Variants in NEK11 observed in about 807,000 individuals in gnomAD.
The protein encoded by NEK11 is serine/threonine-protein kinase Nek11.
Under a neutral mutation model 80.7 loss-of-function variants are expected in NEK11, and 72 were observed. The observed-to-expected ratio is 0.89, with a 90% CI of 0.74 to 1.08. The LOEUF is 1.08. NEK11 is among the 50% of genes least tolerant of loss of function. The probability of loss-of-function intolerance (pLI) is 0.00; values close to 1 mark genes in which losing one functional copy is unlikely to be tolerated. For synonymous variants in NEK11, 251 were observed against 260.7 expected (o/e 0.96, Z 0.36); for missense variants, 764 against 763.6 (o/e 1.00, Z -0.01).
At chr3:131,333,778 G>C (rs1453282954) in intron 17 of NEK11, among the ~76,000 whole-genome samples, 3 of 152,126 alleles carry the variant, frequency 2.0e-5, no homozygotes, top group Admixed American at 6.5e-5. Context: ...GGAAGATCTA[G>C]CAAGCAAATG....
rs556802836 is a variant in NEK11 at position 131,274,510 on chromosome 3, T to C, written c.1718+936T>C. Among the ~76,000 whole-genome samples, 15 of 151,882 alleles carry C rather than the reference T, an allele frequency of 9.9e-5. 1 individual carries two copies. In the East Asian group the frequency reaches 2.7e-3, roughly 27 times the overall value. On this transcript the variant is annotated intron_variant, in intron 17 of 17. Transcript: ENST00000383366. ...GGCTGGGTCAAATGGTATTCCTAGT[T>C]CTAGATCCCTGAGGAATCGCTACAC...
chr3:131,152,606 A>G (rs1249972419), intron 8 of NEK11, 25 bp from the exon 9 acceptor site: 7 of 1,608,650 alleles, frequency 4.4e-6, no homozygotes, highest in Non-Finnish European at 5.1e-6. Context: ...TACCTGAAAA[A>G]TAATTTTCTG....
At chr3:131,316,178 TAAAC>T (rs1229325357) in intron 17 of NEK11, among the ~76,000 whole-genome samples, 9 of 152,342 alleles carry the variant, frequency 5.9e-5, no homozygotes, top group African/African-American at 1.9e-4. Flanking sequence ...ATTTTCTACT[TAAAC>T]AGAACTTTTT....
intron 3 of NEK11, among the ~76,000 whole-genome samples, chr3:131,041,641 T>A (rs971823420): frequency 6.6e-6 from 1 of 152,154 alleles, no homozygotes; most frequent in African/African-American, 2.4e-5. Flanking sequence ...TCAACACTAG[T>A]TTCAGCAGCA....
chr3:131,297,250 A>G (rs1205407296), intron 17 of NEK11, among the ~76,000 whole-genome samples: 2 of 151,982 alleles, frequency 1.3e-5, no homozygotes, highest in Non-Finnish European at 2.9e-5. Flanking sequence ...GACTTCCACA[A>G]TGGTTGAACT....
In NEK11 at chr3:131,027,923, C is replaced by T. The variant is rs1013101901; in HGVS notation, c.-169-7C>T. The T allele has an allele frequency of 3.9e-5, 6 of 152,216 alleles. No individual in the cohort carries two copies. The South Asian group carries it at 1.2e-3, about 31-fold the overall frequency. 9.4% of individuals were successfully genotyped at this position (152,216 alleles called of 1,614,324 possible). ...TGTCCGTCCCTAATTCTGTCCTTCT[C>T]TAAAAGGAACCTTAATCTCATCTTT... On this transcript the variant is annotated splice_polypyrimidine_tract_variant and splice_region_variant and intron_variant, in intron 1 of 17. Coordinates refer to ENST00000383366, the MANE Select transcript of NEK11 (RefSeq NM_024800.5).
At chr3:131,120,963 G>A (rs528180502) in intron 5 of NEK11, among the ~76,000 whole-genome samples, 30 of 152,078 alleles carry the variant, frequency 2.0e-4, no homozygotes, top group Non-Finnish European at 2.4e-4. Context: ...ATTACCTATC[G>A]GCTGAACCCT....
intron 17 of NEK11, among the ~76,000 whole-genome samples, chr3:131,280,621 T>C (rs2096381479): frequency 6.6e-6 from 1 of 152,220 alleles, no homozygotes; most frequent in South Asian, 2.1e-4. Context: ...TTTTGTTACA[T>C]CTTTCTTGTC....
chr3:131,218,281 G>A (rs2094908509), intron 14 of NEK11, among the ~76,000 whole-genome samples: 1 of 152,172 alleles, frequency 6.6e-6, no homozygotes, highest in Non-Finnish European at 1.5e-5. Context: ...TGTATATAGA[G>A]TTTGGTGTGG....
chr3:131,076,558 C>G (rs1484193569), intron 3 of NEK11, among the ~76,000 whole-genome samples: 1 of 152,066 alleles, frequency 6.6e-6, no homozygotes, highest in African/African-American at 2.4e-5. Flanking sequence ...CTTTGTAAAA[C>G]AGGCAAATGA....
intron 14 of NEK11, among the ~76,000 whole-genome samples, chr3:131,178,478 T>C (rs1486630681): frequency 6.6e-6 from 1 of 152,234 alleles, no homozygotes; most frequent in Non-Finnish European, 1.5e-5. Context: ...ATTTTTAACA[T>C]TAATTCTTTT....
At chr3:131,044,560 G>A (rs1208626134) in intron 3 of NEK11, among the ~76,000 whole-genome samples, 19 of 150,778 alleles carry the variant, frequency 1.3e-4, no homozygotes, top group African/African-American at 2.9e-4. Flanking sequence ...TCAATGCAAC[G>A]AGAAGAGCCA....
chr3:131,135,845 G>A (rs2085449730), intron 7 of NEK11, among the ~76,000 whole-genome samples: 1 of 151,782 alleles, frequency 6.6e-6, no homozygotes, highest in African/African-American at 2.4e-5. Flanking sequence ...GGCTCCTTTT[G>A]ACAGGCAGCT....
At chr3:131,115,694 T>A (rs1302708108) in intron 5 of NEK11, among the ~76,000 whole-genome samples, 1 of 152,144 alleles carries the variant, frequency 6.6e-6, no homozygotes, top group Admixed American at 6.5e-5. Flanking sequence ...TTTCTTAAGA[T>A]AAAGGACAGA....
intron 4 of NEK11, 176 bp from the exon 5 acceptor site, chr3:131,109,627 A>G: frequency 1.7e-6 from 1 of 604,216 alleles, no homozygotes; most frequent in Non-Finnish European, 2.8e-6. Context: ...CCGAGCTGAG[A>G]AGAGTGCTCA....
chr3:131,154,358 C>G (rs2090262574), intron 9 of NEK11, among the ~76,000 whole-genome samples: 1 of 151,896 alleles, frequency 6.6e-6, no homozygotes, highest in Non-Finnish European at 1.5e-5. Context: ...GACTCTGGGG[C>G]AAAAGTTAAG....
chr3:131,324,991 G>A (rs889373507), intron 17 of NEK11: 2 of 152,166 alleles, frequency 1.3e-5, no homozygotes, highest in African/African-American at 2.4e-5. Context: ...GATTGAATAT[G>A]AGCAATGGTA....
intron 16 of NEK11, among the ~76,000 whole-genome samples, chr3:131,243,963 TGC>T (rs2095556987): frequency 6.6e-6 from 1 of 152,104 alleles, no homozygotes; most frequent in South Asian, 2.1e-4. Context: ...AGGATTGCTA[TGC>T]TTCAGGGATA....
At chr3:131,336,785 G>T (rs74526657) in intron 17 of NEK11, among the ~76,000 whole-genome samples, 1 of 151,468 alleles carries the variant, frequency 6.6e-6, no homozygotes, top group African/African-American at 2.4e-5. Context: ...AAAAACAACC[G>T]CATCAAAAAG....
Sources: gnomAD v4.1 joint callset for allele counts (sites outside exome capture counted in the v4.1 genomes callset) on GRCh38, gnomAD v4.1.1 for gene constraint, MANE v1.5 for transcripts, NCBI Gene and HGNC (gene_info 2026-07-23, HGNC 2026-07-21) for gene names.